Variants in SGCZ observed in about 807,000 individuals in gnomAD.
The protein encoded by SGCZ is sarcoglycan zeta.
SGCZ carries 40 observed loss-of-function variants against 41.3 expected under a neutral mutation model. The observed-to-expected ratio is 0.97, with a 90% confidence interval of 0.75 to 1.26. The LOEUF (loss-of-function observed/expected upper bound fraction) is 1.26. Ranked by LOEUF, SGCZ falls within the 50% of genes most tolerant of loss-of-function variation. The pLI, the probability that SGCZ is intolerant of heterozygous loss-of-function variation, is 0.00. For missense variants in SGCZ, 552 were observed against 369.8 expected (o/e 1.49, Z -4.04); for synonymous variants, 206 against 137.5 (o/e 1.50, Z -3.49).
chr8:14,245,185 A>C (rs1034232392), intron 3 of SGCZ, among the ~76,000 whole-genome samples: 4 of 152,130 alleles, frequency 2.6e-5, no homozygotes. Flanking sequence ...TTTCAAAGGG[A>C]ATGCTTCCAG....
intron 1 of SGCZ, among the ~76,000 whole-genome samples, chr8:14,627,254 G>A (rs538001391): frequency 8.0e-4 from 121 of 152,178 alleles, no homozygotes; most frequent in Admixed American, 1.3e-3. Context: ...TTTAGTTTAC[G>A]TAGTACATCT....
intron 1 of SGCZ, among the ~76,000 whole-genome samples, chr8:14,847,126 A>AAGAAGAAAG (rs761276429): frequency 3.2e-5 from 4 of 126,362 alleles, no homozygotes; most frequent in Non-Finnish European, 4.9e-5. Flanking sequence ...GAAGAAGAAG[A>AAGAAGAAAG]AAGAAGAAGA....
intron 1 of SGCZ, among the ~76,000 whole-genome samples, chr8:15,008,648 A>AGGAGGGAAGGAGATG (rs1802701276): frequency 2.1e-5 from 2 of 94,394 alleles, no homozygotes; most frequent in South Asian, 5.6e-4. Context: ...GAGGGAAGGA[A>AGGAGGGAAGGAGATG]GGAGGGAAGG....
At chr8:14,780,623 C>A (rs972856857) in intron 1 of SGCZ, among the ~76,000 whole-genome samples, 2 of 151,938 alleles carry the variant, frequency 1.3e-5, no homozygotes, top group African/African-American at 4.8e-5. Context: ...ATGGGATTCC[C>A]AGGATTAACC....
At chr8:14,163,264 C>T (rs1269332202) in intron 5 of SGCZ, among the ~76,000 whole-genome samples, 1 of 151,992 alleles carries the variant, frequency 6.6e-6, no homozygotes, top group Non-Finnish European at 1.5e-5. Flanking sequence ...ATTTTGTCAC[C>T]CAGGTATTAA....
intron 3 of SGCZ, among the ~76,000 whole-genome samples, chr8:14,323,900 A>G (rs1382690252): frequency 6.6e-6 from 1 of 152,062 alleles, no homozygotes; most frequent in East Asian, 1.9e-4. Context: ...GTTAGTTCAA[A>G]ATGGTTCTCT....
At chr8:15,112,762 G>C (rs984167818) in intron 1 of SGCZ, among the ~76,000 whole-genome samples, 1 of 152,328 alleles carries the variant, frequency 6.6e-6, no homozygotes, top group East Asian at 1.9e-4. Context: ...AGCCACTGGA[G>C]AGAGTCACCT....
intron 3 of SGCZ, among the ~76,000 whole-genome samples, chr8:14,271,634 T>C (rs1375565872): frequency 2.6e-5 from 4 of 152,152 alleles, no homozygotes; most frequent in Non-Finnish European, 5.9e-5. Context: ...GTCCAATATA[T>C]AGAAAGATTT....
At chr8:15,011,039 G>GT (rs145853958) in intron 1 of SGCZ, among the ~76,000 whole-genome samples, 5,590 of 152,176 alleles carry the variant, frequency 0.037, 306 homozygotes, top group African/African-American at 0.12. Context: ...AAGATTATCA[G>GT]TTTTTGCAAT....
intron 1 of SGCZ, among the ~76,000 whole-genome samples, chr8:14,960,939 A>G (rs1358070983): frequency 2.8e-5 from 4 of 141,776 alleles, no homozygotes; most frequent in Admixed American, 1.4e-4. Flanking sequence ...TGGCACACAC[A>G]CACACACACA....
At chr8:14,572,088 T>C (rs2117233595) in intron 1 of SGCZ, among the ~76,000 whole-genome samples, 1 of 152,306 alleles carries the variant, frequency 6.6e-6, no homozygotes, top group Non-Finnish European at 1.5e-5. Context: ...AAAGCACTTA[T>C]TCATTAAATT....
At chr8:14,526,791 C>G (rs889619886) in intron 2 of SGCZ, among the ~76,000 whole-genome samples, 1 of 152,016 alleles carries the variant, frequency 6.6e-6, no homozygotes, top group Non-Finnish European at 1.5e-5. Context: ...CTCTACTTAT[C>G]CTGAAACAGG....
chr8:14,726,156 G>A (rs1810042948), intron 1 of SGCZ, among the ~76,000 whole-genome samples: 1 of 150,982 alleles, frequency 6.6e-6, no homozygotes, highest in African/African-American at 2.4e-5. Flanking sequence ...CTACTCGGGA[G>A]GCTGAGGCAG....
intron 1 of SGCZ, among the ~76,000 whole-genome samples, chr8:14,830,074 T>C (rs1217373795): frequency 1.3e-5 from 2 of 152,210 alleles, no homozygotes; most frequent in African/African-American, 2.4e-5. Flanking sequence ...CCTCCCAAAG[T>C]GCTGGGATTA....
At chr8:14,268,998 T>C (rs1322272434) in intron 3 of SGCZ, among the ~76,000 whole-genome samples, 1 of 151,696 alleles carries the variant, frequency 6.6e-6, no homozygotes, top group South Asian at 2.1e-4. Context: ...AAATAGAAAA[T>C]AGAAGAGTAA....
intron 1 of SGCZ, among the ~76,000 whole-genome samples, chr8:14,755,093 T>C (rs2130332193): frequency 6.6e-6 from 1 of 152,270 alleles, no homozygotes; most frequent in South Asian, 2.1e-4. Context: ...ATGTTGTTTA[T>C]TCACAATACA....
intron 5 of SGCZ, among the ~76,000 whole-genome samples, chr8:14,126,981 G>T (rs575447994): frequency 3.9e-5 from 6 of 152,074 alleles, no homozygotes; most frequent in African/African-American, 1.4e-4. Context: ...CCATCTGGGG[G>T]GTCAGGGGGA....
At chr8:15,155,450 T>C (rs1799301281) in intron 1 of SGCZ, among the ~76,000 whole-genome samples, 1 of 152,190 alleles carries the variant, frequency 6.6e-6, no homozygotes, top group South Asian at 2.1e-4. Context: ...AAAACAATAC[T>C]CCTATCTTGA....
At chr8:14,945,181 G>A (rs994378824) in intron 1 of SGCZ, among the ~76,000 whole-genome samples, 7 of 141,920 alleles carry the variant, frequency 4.9e-5, no homozygotes, top group Non-Finnish European at 9.1e-5. Context: ...GGGTGGGCGG[G>A]GACAGAGTAA....
Sources: allele counts gnomAD v4.1 joint callset (sites outside exome capture counted in the v4.1 genomes callset), GRCh38; gene constraint gnomAD v4.1.1; transcripts MANE v1.5; gene names NCBI Gene and HGNC (gene_info 2026-07-23, HGNC 2026-07-21).